FGD4: variants seen among roughly 807,000 people sequenced by gnomAD.
The protein encoded by FGD4 is FYVE, RhoGEF and PH domain-containing protein 4.
In FGD4, 42 loss-of-function variants were observed where a neutral mutation model predicts 102.0. The observed-to-expected ratio is 0.41, with a 90% CI of 0.32 to 0.53. The LOEUF (loss-of-function observed/expected upper bound fraction) is 0.53, where lower values mean the gene tolerates loss of function less well. FGD4 is among the 20% of genes least tolerant of loss of function. The pLI, the probability that FGD4 is intolerant of heterozygous loss-of-function variation, is 0.21. For synonymous variants in FGD4, 380 were observed against 375.7 expected (o/e 1.01, Z -0.13); for missense variants, 902 against 1,078.2 (o/e 0.84, Z 2.29).
At chr12:32,492,843 A>G (rs1344101903) in intron 1 of FGD4, among the ~76,000 whole-genome samples, 2 of 152,194 alleles carry the variant, frequency 1.3e-5, no homozygotes, top group African/African-American at 4.8e-5. Flanking sequence ...AAGCAATCTC[A>G]GCAAGCATGG....
intron 1 of FGD4, among the ~76,000 whole-genome samples, chr12:32,436,315 G>A (rs970447108): frequency 2.6e-5 from 4 of 152,192 alleles, no homozygotes; most frequent in African/African-American, 7.2e-5. Flanking sequence ...TCCATTTATG[G>A]TTCTTTTCAG....
At chr12:32,455,005 A>T (rs1172313886) in intron 1 of FGD4, among the ~76,000 whole-genome samples, 1 of 152,124 alleles carries the variant, frequency 6.6e-6, no homozygotes, top group Non-Finnish European at 1.5e-5. Flanking sequence ...TCCCAAGGTA[A>T]CTCTGCTATG....
At chr12:32,463,107 G>T (rs1943151650) in intron 1 of FGD4, among the ~76,000 whole-genome samples, 1 of 152,238 alleles carries the variant, frequency 6.6e-6, no homozygotes, top group Non-Finnish European at 1.5e-5. Flanking sequence ...TGGGCAACCA[G>T]TGTTGAACAG....
At chr12:32,566,810 G>A (rs764551334) in intron 2 of FGD4, among the ~76,000 whole-genome samples, 3 of 152,162 alleles carry the variant, frequency 2.0e-5, no homozygotes, top group Non-Finnish European at 4.4e-5. Flanking sequence ...TATCACCCCC[G>A]ACACCTTTGT....
At chr12:32,622,176 C>T (rs1015101669) in intron 11 of FGD4, among the ~76,000 whole-genome samples, 10 of 152,166 alleles carry the variant, frequency 6.6e-5, no homozygotes, top group African/African-American at 2.4e-4. Flanking sequence ...TGAGCCACTG[C>T]GTCCAGCCTC....
Position 32,576,454 on chromosome 12 carries a change from G to A in FGD4, c.503+5G>A. On this transcript the variant is annotated splice_donor_5th_base_variant and intron_variant, in intron 3 of 16. Coordinates refer to ENST00000534526, the MANE Select transcript of FGD4 (RefSeq NM_001370298.3). The stretch of plus-strand genomic sequence containing the variant: ...CAGTCGCTTTGAAGGAGGCAGGTAA[G>A]AGCTAATTTACAATGGGAGAAGGCA... 1 of 1,614,120 alleles carries A rather than the reference G, an allele frequency of 6.2e-7. No individual in the cohort carries two copies. Among genetic ancestry groups the A allele is most frequent in the Non-Finnish European group, 8.5e-7 (1 of 1,180,000 alleles).
Position 32,618,944 on chromosome 12 carries a change from C to G in FGD4, c.1750-754C>G, listed in dbSNP as rs111338150. Reference sequence around the variant, plus strand: ...AGCCTGGGTGATAGAGTGAGACCCTCTCTCAGATATAATCATAATTGCTAA... The same window carrying G: ...AGCCTGGGTGATAGAGTGAGACCCTGTCTCAGATATAATCATAATTGCTAA... On this transcript the variant is annotated intron_variant, in intron 10 of 16. Transcript: ENST00000534526. 2.4e-3 allele frequency among the ~76,000 whole-genome samples: 360 copies of G among 152,268 alleles called. 2 individuals carry two copies. Among genetic ancestry groups the G allele is most frequent in the African/African-American group, 8.1e-3 (337 of 41,558 alleles).
At chr12:32,408,577 A>G (rs1387875801) in intron 1 of FGD4, among the ~76,000 whole-genome samples, 10 of 152,004 alleles carry the variant, frequency 6.6e-5, no homozygotes, top group Non-Finnish European at 7.4e-5. Context: ...CTAGATTTTA[A>G]ACCTTGAAAT....
At chr12:32,563,304 G>A (rs531845869) in intron 1 of FGD4, among the ~76,000 whole-genome samples, 6 of 147,804 alleles carry the variant, frequency 4.1e-5, no homozygotes, top group South Asian at 4.4e-4. Context: ...GGGCAGAGAC[G>A]CTCCTCACCT....
At chr12:32,466,399 C>T (rs1341293977) in intron 1 of FGD4, among the ~76,000 whole-genome samples, 2 of 152,080 alleles carry the variant, frequency 1.3e-5, no homozygotes, top group Non-Finnish European at 2.9e-5. Context: ...TGATGCAAAA[C>T]AAGTCCAAAG....
chr12:32,613,412 A>G (rs1027846955), intron 10 of FGD4, among the ~76,000 whole-genome samples: 2 of 152,238 alleles, frequency 1.3e-5, no homozygotes, highest in African/African-American at 2.4e-5. Context: ...GTAACTTGTT[A>G]TAACATGTCT....
rs1404084092 is a variant in FGD4, at chr12:32,607,996, A to G, written c.1444A>G (p.Met482Val). ...TGGGAGCTTAACTTTGCAGCATCAC[A>G]TGCTAGAACCTGTTCAGCGGATTCC... is the stretch of plus-strand genomic sequence containing the variant. ...ICGSLTLQHH[M>V]LEPVQRIPRY... The change falls in exon 8 of 17, where the codon ATG becomes GTG. Residue 482 changes from methionine to valine, a missense_variant. Coordinates refer to ENST00000534526, the MANE Select transcript of FGD4 (RefSeq NM_001370298.3). 3.7e-6 allele frequency: 6 copies of G among 1,614,246 alleles called. No homozygotes were observed. Among genetic ancestry groups the G allele is most frequent in the Admixed American group, 1.7e-5 (1 of 60,030 alleles).
chr12:32,537,923 A>G (rs4931017), intron 1 of FGD4, among the ~76,000 whole-genome samples: 123,999 of 152,100 alleles, frequency 0.82, 51,198 homozygotes, highest in African/African-American at 0.94. Flanking sequence ...TTTGAGACAG[A>G]GTCTTTCTGT....
At chr12:32,403,985 A>C (rs2651377) in intron 1 of FGD4, among the ~76,000 whole-genome samples, 82,436 of 151,786 alleles carry the variant, frequency 0.54, 23,385 homozygotes, top group African/African-American at 0.71. Flanking sequence ...CCGTCCCCTG[A>C]AAGGCTCTTA....
chr12:32,536,802 GAAT>G (rs1233124466), intron 1 of FGD4, among the ~76,000 whole-genome samples: 2 of 152,116 alleles, frequency 1.3e-5, no homozygotes, highest in Non-Finnish European at 2.9e-5. Context: ...CCCTCTTAGA[GAAT>G]AAGTACACAC....
chr12:32,519,808 G>A (rs576267151), intron 1 of FGD4, among the ~76,000 whole-genome samples: 120 of 152,214 alleles, frequency 7.9e-4, no homozygotes, highest in African/African-American at 2.8e-3. Flanking sequence ...GTAGCTGGGC[G>A]TGGTGGTGTG....
chr12:32,579,309 G>T (rs1284047601), intron 3 of FGD4, among the ~76,000 whole-genome samples: 1 of 152,078 alleles, frequency 6.6e-6, no homozygotes, highest in Non-Finnish European at 1.5e-5. Context: ...CTCCCAAAGT[G>T]CTGGGATTAC....
At chr12:32,535,153 CAT>C (rs1250904565) in intron 1 of FGD4, among the ~76,000 whole-genome samples, 2 of 152,160 alleles carry the variant, frequency 1.3e-5, no homozygotes, top group Non-Finnish European at 2.9e-5. Flanking sequence ...GAAATGTAAT[CAT>C]GTGACGGGAA....
chr12:32,444,849 G>A (rs551045145), intron 1 of FGD4, among the ~76,000 whole-genome samples: 6 of 152,290 alleles, frequency 3.9e-5, no homozygotes, highest in South Asian at 2.1e-4. Context: ...TAGACACGCC[G>A]TTCCAAATTT....
Sources: gnomAD v4.1 joint callset for allele counts (sites outside exome capture counted in the v4.1 genomes callset) on GRCh38, gnomAD v4.1.1 for gene constraint, MANE v1.5 for transcripts, NCBI Gene and HGNC (gene_info 2026-07-23, HGNC 2026-07-21) for gene names.